Variants in CSMD1 observed in about 807,000 individuals in gnomAD.
CSMD1 encodes the protein CUB and sushi domain-containing protein 1.
CSMD1 carries 213 observed loss-of-function variants against 417.5 expected under a neutral mutation model. The ratio of observed to expected loss-of-function variants is 0.51; its 90% CI spans 0.46 to 0.57. The LOEUF (loss-of-function observed/expected upper bound fraction) is 0.57, where lower values mean the gene tolerates loss of function less well. Among genes scored for constraint, CSMD1 ranks in the 20% least tolerant of loss-of-function variants. The pLI, the probability that CSMD1 is intolerant of heterozygous loss-of-function variation, is 0.00. For synonymous variants in CSMD1, 2,862 were observed against 1,736.8 expected, an observed-to-expected ratio of 1.65 and a Z score of -16.11; for missense variants, 6,923 against 4,529.7, an observed-to-expected ratio of 1.53 and a Z score of -15.17.
rs190653919 is a variant in CSMD1, at chr8:4,275,341, T to A, written c.415+144612A>T. On this transcript the variant is annotated intron_variant, in intron 3 of 69. Coordinates refer to ENST00000635120, the MANE Select transcript of CSMD1 (RefSeq NM_033225.6). ...GTATAAAGCTTCTGTGTTGTGTATTTGTTGGAAGAAACTCAGTGCCAAGAT... is the reference window on the plus strand; with the variant it reads ...GTATAAAGCTTCTGTGTTGTGTATTAGTTGGAAGAAACTCAGTGCCAAGAT... Among the ~76,000 whole-genome samples the A allele has an allele frequency of 2.8e-3, 420 of 152,284 alleles. 1 individual carries two copies. Among genetic ancestry groups the A allele is most frequent in the Non-Finnish European group, 4.5e-3 (309 of 68,008 alleles).
At chr8:4,613,417 A>C (rs900864104) in intron 2 of CSMD1, among the ~76,000 whole-genome samples, 3 of 152,080 alleles carry the variant, frequency 2.0e-5, no homozygotes, top group African/African-American at 7.2e-5. Context: ...AGCTCATGCT[A>C]CTCATGAACT....
At chr8:3,372,800 A>G (rs754459412) in intron 18 of CSMD1, among the ~76,000 whole-genome samples, 11 of 152,166 alleles carry the variant, frequency 7.2e-5, no homozygotes, top group Non-Finnish European at 8.8e-5. Flanking sequence ...AAGAGGGTTG[A>G]GCAAGGGATA....
At chr8:4,635,628 T>C (rs1017181624) in intron 2 of CSMD1, among the ~76,000 whole-genome samples, 9 of 152,142 alleles carry the variant, frequency 5.9e-5, no homozygotes, top group African/African-American at 2.2e-4. Flanking sequence ...TTGAATAAAA[T>C]GGATTGTCTA....
chr8:3,534,960 T>C (rs1463447384), intron 10 of CSMD1, among the ~76,000 whole-genome samples: 1 of 152,160 alleles, frequency 6.6e-6, no homozygotes, highest in Admixed American at 6.5e-5. Flanking sequence ...CTTATTTATT[T>C]ATTTATTGAC....
intron 23 of CSMD1, among the ~76,000 whole-genome samples, chr8:3,341,252 G>C (rs886452369): frequency 6.6e-6 from 1 of 152,096 alleles, no homozygotes; most frequent in Non-Finnish European, 1.5e-5. Context: ...ACGGTCACAC[G>C]GCTCTGGAGC....
chr8:3,987,211 C>G (rs1172251101), intron 5 of CSMD1, among the ~76,000 whole-genome samples: 3 of 152,204 alleles, frequency 2.0e-5, no homozygotes, highest in Non-Finnish European at 4.4e-5. Flanking sequence ...GTGCCCACAA[C>G]AGCAGCACGC....
intron 3 of CSMD1, among the ~76,000 whole-genome samples, chr8:4,154,712 T>C (rs531964926): frequency 6.6e-6 from 1 of 152,244 alleles, no homozygotes; most frequent in Non-Finnish European, 1.5e-5. Context: ...GAAAAAGAGA[T>C]CATGTTTGTA....
chr8:3,795,278 G>C lies in CSMD1; in HGVS notation c.819-41236C>G, dbSNP rs549856494. ...TATAGATATATATCTATCATGTACA[G>C]ATATATATATCATGTACAGATATAT... On this transcript the variant is annotated intron_variant, in intron 5 of 69. Transcript: ENST00000635120. Among the ~76,000 whole-genome samples the C allele has an allele frequency of 8.2e-4, 44 of 53,474 alleles. 17 individuals carry two copies. The highest frequency in any genetic ancestry group is 2.6e-3 in the African/African-American group (39 of 14,874). The allele number at this position is 53,474 out of a possible 152,430, so 35.1% of individuals were successfully genotyped here. A position where few individuals can be genotyped will look rare whatever the true frequency, so the allele number is the denominator to read the frequency against.
chr8:3,008,421 C>T (rs114234661), intron 52 of CSMD1, among the ~76,000 whole-genome samples: 3,135 of 152,318 alleles, frequency 0.021, 100 homozygotes, highest in African/African-American at 0.07. Flanking sequence ...GAATTCAACA[C>T]GGGAGAGCAG....
At chr8:4,223,279 C>A (rs1021199786) in intron 3 of CSMD1, among the ~76,000 whole-genome samples, 2 of 152,182 alleles carry the variant, frequency 1.3e-5, no homozygotes, top group East Asian at 1.9e-4. Flanking sequence ...AGCATCCAGA[C>A]TTTTTGCCTC....
chr8:3,182,841 G>GGGGGGTGTGTGTGTGTGTGTGT (rs768081848), intron 36 of CSMD1: 5 of 11,478 alleles, frequency 4.4e-4, no homozygotes, highest in African/African-American at 7.8e-4. Flanking sequence ...TTTATAAGAA[G>GGGGGGTGTGTGTGTGTGTGTGT]GTGTGTGTGT....
At chr8:4,747,781 A>G (rs1811051180) in intron 1 of CSMD1, among the ~76,000 whole-genome samples, 1 of 152,186 alleles carries the variant, frequency 6.6e-6, no homozygotes, top group Non-Finnish European at 1.5e-5. Context: ...CCTGGGATAG[A>G]GGCTAAAAAA....
chr8:4,108,091 G>A (rs1006037939), intron 3 of CSMD1, among the ~76,000 whole-genome samples: 1 of 149,920 alleles, frequency 6.7e-6, no homozygotes, highest in Non-Finnish European at 1.5e-5. Flanking sequence ...GAGACAGAGA[G>A]AGAACAAGAA....
intron 3 of CSMD1, among the ~76,000 whole-genome samples, chr8:4,163,993 A>C (rs1797311989): frequency 6.6e-6 from 1 of 152,206 alleles, no homozygotes; most frequent in African/African-American, 2.4e-5. Flanking sequence ...TTGAGGAATA[A>C]TCGTGAGGAG....
intron 39 of CSMD1, among the ~76,000 whole-genome samples, chr8:3,155,358 G>GGTTTTTTTTT (rs763097673): frequency 4.2e-5 from 2 of 48,094 alleles, no homozygotes; most frequent in African/African-American, 6.3e-5. Context: ...TCAAGGCTGG[G>GGTTTTTTTTT]ATTTTTTTTT....
chr8:4,541,056 G>A (rs1797359908), intron 2 of CSMD1, among the ~76,000 whole-genome samples: 1 of 152,192 alleles, frequency 6.6e-6, no homozygotes, highest in Non-Finnish European at 1.5e-5. Flanking sequence ...TCGATTGTTA[G>A]AAACTCTAAG....
intron 1 of CSMD1, among the ~76,000 whole-genome samples, chr8:4,965,841 G>C (rs1261088032): frequency 6.6e-6 from 1 of 152,076 alleles, no homozygotes; most frequent in African/African-American, 2.4e-5. Context: ...TCTTCATGTT[G>C]ATTGGAGGAT....
In CSMD1 at chr8:4,438,558, G is replaced by T. The variant is rs77128024; in HGVS notation, c.303-18493C>A. Among the ~76,000 whole-genome samples the T allele has an allele frequency of 1.7e-3, 261 of 152,294 alleles. 9 individuals are homozygous for T. The East Asian group carries it at 0.048, about 28-fold the overall frequency. On this transcript the variant is annotated intron_variant, in intron 2 of 69. Coordinates refer to ENST00000635120, the MANE Select transcript of CSMD1 (RefSeq NM_033225.6). The stretch of plus-strand genomic sequence containing the variant: ...CACATGTTTTACTTTCCATCTCTAA[G>T]CTGACGGGAGTGTGGGGAGCCCTGC...
rs34887868 is a variant in CSMD1, at chr8:3,754,433, C to CTTATTTATTTAT, written c.819-403_819-392dup. Among the ~76,000 whole-genome samples, 1,021 of 145,566 alleles carry CTTATTTATTTAT rather than the reference C, an allele frequency of 7.0e-3. 7 individuals are homozygous for CTTATTTATTTAT. The highest frequency in any genetic ancestry group is 0.028 in the Admixed American group (410 of 14,466). On this transcript the variant is annotated intron_variant, in intron 5 of 69. Transcript: ENST00000635120. ...TCACAATTTGAAGACTTAGTAATTC[C>CTTATTTATTTAT]TTATTTATTTATTTATTTATTTATT... is the stretch of plus-strand genomic sequence containing the variant.
Sources: allele counts gnomAD v4.1 joint callset (sites outside exome capture counted in the v4.1 genomes callset), GRCh38; gene constraint gnomAD v4.1.1; transcripts MANE v1.5; gene names NCBI Gene and HGNC (gene_info 2026-07-23, HGNC 2026-07-21).